Variants in SEC23A observed in about 807,000 individuals in gnomAD.
The protein encoded by SEC23A is protein transport protein Sec23A.
SEC23A carries 56 observed loss-of-function variants against 103.7 expected under a neutral mutation model. The observed-to-expected ratio is 0.54, with a 90% CI of 0.44 to 0.67. SEC23A has a LOEUF of 0.67. Among genes scored for constraint, SEC23A ranks in the 30% least tolerant of loss-of-function variants. The pLI, the probability that SEC23A is intolerant of heterozygous loss-of-function variation, is 0.00. For synonymous variants in SEC23A, 281 were observed against 293.0 expected, an observed-to-expected ratio of 0.96 and a Z score of 0.42; for missense variants, 784 against 936.4, an observed-to-expected ratio of 0.84 and a Z score of 2.12.
chr14:39,046,451 T>C (rs1198525443), intron 15 of SEC23A, among the ~76,000 whole-genome samples: 4 of 152,082 alleles, frequency 2.6e-5, no homozygotes, highest in Admixed American at 2.0e-4. Context: ...CCAGCCTGGG[T>C]GACAAGAGTG....
rs1566513505 is a variant in SEC23A at position 39,093,176 on chromosome 14, T to C, written c.279+11A>G. ...GCCACTGCGCCCGGCATGCAATGGA[T>C]GTTTTCTTACCTGATTCCTTTGGTA... On this transcript the variant is annotated intron_variant, in intron 3 of 19. Coordinates refer to ENST00000307712, the MANE Select transcript of SEC23A (RefSeq NM_006364.4). The C allele has an allele frequency of 1.2e-6, 2 of 1,612,016 alleles. No homozygotes were observed. The highest frequency in any genetic ancestry group is 1.7e-6 in the Non-Finnish European group (2 of 1,179,228).
intron 19 of SEC23A, among the ~76,000 whole-genome samples, chr14:39,035,478 G>A (rs547325891): frequency 6.6e-6 from 1 of 152,248 alleles, no homozygotes; most frequent in Admixed American, 6.5e-5. Context: ...TCCATTTCAA[G>A]CATGTTTTAT....
At chr14:39,042,323 C>G (rs1056242825) in intron 17 of SEC23A, among the ~76,000 whole-genome samples, 1 of 152,230 alleles carries the variant, frequency 6.6e-6, no homozygotes, top group African/African-American at 2.4e-5. Flanking sequence ...ATCTTCTGCT[C>G]TCTGTAATCA....
intron 1 of SEC23A, among the ~76,000 whole-genome samples, chr14:39,097,393 A>G (rs187700290): frequency 6.6e-6 from 1 of 152,328 alleles, no homozygotes; most frequent in Non-Finnish European, 1.5e-5. Context: ...GTGAACTGTG[A>G]ACCTAGGGTG....
chr14:39,084,089 T>C (rs1186107207), intron 7 of SEC23A, among the ~76,000 whole-genome samples: 1 of 151,738 alleles, frequency 6.6e-6, no homozygotes, highest in Non-Finnish European at 1.5e-5. Flanking sequence ...TGGCATGATC[T>C]CGGCTCACTG....
chr14:39,056,073 C>A (rs369932756), intron 13 of SEC23A, among the ~76,000 whole-genome samples: 2 of 152,358 alleles, frequency 1.3e-5, no homozygotes. Context: ...GAACCTGTCA[C>A]AGTTTAATTA....
At chr14:39,100,732 CATG>C (rs1401912760) in intron 1 of SEC23A, among the ~76,000 whole-genome samples, 6 of 151,792 alleles carry the variant, frequency 4.0e-5, no homozygotes, top group African/African-American at 9.7e-5. Flanking sequence ...CTTTTCATAA[CATG>C]ATATTATTTG....
At chr14:39,037,280 A>G (rs1885493316) in intron 19 of SEC23A, among the ~76,000 whole-genome samples, 2 of 152,094 alleles carry the variant, frequency 1.3e-5, no homozygotes, top group African/African-American at 4.8e-5. Context: ...GGCCTTCTAG[A>G]TAGTACCTCA....
At chr14:39,066,035 T>TAAAAAAA (rs1886656574) in intron 10 of SEC23A, among the ~76,000 whole-genome samples, 2 of 108,932 alleles carry the variant, frequency 1.8e-5, no homozygotes, top group Non-Finnish European at 3.7e-5. Flanking sequence ...AAAAAAAAAC[T>TAAAAAAA]ATAAGTCACA....
At chr14:39,078,050 G>A (rs1033692298) in intron 7 of SEC23A, among the ~76,000 whole-genome samples, 2 of 151,992 alleles carry the variant, frequency 1.3e-5, no homozygotes, top group Non-Finnish European at 2.9e-5. Context: ...AGGAGTTCAA[G>A]ATCAGCCTGG....
chr14:39,032,854 C>G lies in SEC23A; in HGVS notation c.*385G>C. 1 of 167,660 alleles carries G rather than the reference C, an allele frequency of 6.0e-6. No individual in the cohort carries two copies. Among genetic ancestry groups the G allele is most frequent in the East Asian group, 1.6e-4 (1 of 6,204 alleles). 10.4% of individuals were successfully genotyped at this position (167,660 alleles called of 1,614,324 possible). A position where few individuals can be genotyped will look rare whatever the true frequency, so the allele number is the denominator to read the frequency against. ...ATCATTACTATTGTTTTTTTGCTTT[C>G]TGGCTAAAATTAAGGAACAAGTTTT... On this transcript the variant is annotated 3_prime_UTR_variant, in exon 20 of 20. Transcript: ENST00000307712.
intron 13 of SEC23A, among the ~76,000 whole-genome samples, chr14:39,057,885 A>C (rs1217109674): frequency 2.0e-5 from 3 of 152,238 alleles, no homozygotes; most frequent in African/African-American, 4.8e-5. Flanking sequence ...TTGGTCTTTC[A>C]ATCATTAGTG....
chr14:39,100,834 AC>A (rs1418454815), intron 1 of SEC23A, among the ~76,000 whole-genome samples: 8 of 152,028 alleles, frequency 5.3e-5, no homozygotes, highest in African/African-American at 1.9e-4. Flanking sequence ...TAGAATGCAG[AC>A]TTAGCATATT....
intron 5 of SEC23A, chr14:39,090,951 T>C: frequency 6.1e-6 from 2 of 327,604 alleles, no homozygotes; most frequent in Non-Finnish European, 1.2e-5. Context: ...ATGTAGGGGC[T>C]GGTGGACCTG....
At chr14:39,083,844 C>T (rs1437431771) in intron 7 of SEC23A, among the ~76,000 whole-genome samples, 1 of 151,864 alleles carries the variant, frequency 6.6e-6, no homozygotes, top group Non-Finnish European at 1.5e-5. Context: ...GGATTACAGG[C>T]GTGAGCCAAC....
intron 6 of SEC23A, among the ~76,000 whole-genome samples, chr14:39,086,490 T>C (rs1429086374): frequency 2.0e-5 from 3 of 151,924 alleles, no homozygotes; most frequent in Non-Finnish European, 4.4e-5. Flanking sequence ...GGCATGGTGG[T>C]GCATGCCTGT....
chr14:39,079,910 T>C (rs1178923701), intron 7 of SEC23A, among the ~76,000 whole-genome samples: 2 of 152,226 alleles, frequency 1.3e-5, no homozygotes, highest in African/African-American at 4.8e-5. Flanking sequence ...CTTATTTGTA[T>C]ATACCATTGC....
intron 13 of SEC23A, among the ~76,000 whole-genome samples, chr14:39,056,381 C>T (rs1007357636): frequency 1.3e-5 from 2 of 152,246 alleles, no homozygotes; most frequent in Non-Finnish European, 2.9e-5. Flanking sequence ...GATCCACCTG[C>T]CTTGGCCTCC....
intron 16 of SEC23A, among the ~76,000 whole-genome samples, chr14:39,043,790 C>T (rs1885733973): frequency 6.6e-6 from 1 of 152,144 alleles, no homozygotes; most frequent in Non-Finnish European, 1.5e-5. Flanking sequence ...GGGCTGAGTA[C>T]TAGTGAAGAC....
Sources: gnomAD v4.1 joint callset for allele counts (sites outside exome capture counted in the v4.1 genomes callset) on GRCh38, gnomAD v4.1.1 for gene constraint, MANE v1.5 for transcripts, NCBI Gene and HGNC (gene_info 2026-07-23, HGNC 2026-07-21) for gene names.